The following CD48 variants were observed in gnomAD, a reference collection of about 807,000 sequenced individuals.
CD48 encodes CD48 antigen.
Under a neutral mutation model 22.0 loss-of-function variants are expected in CD48, and 20 were observed. The ratio of observed to expected loss-of-function variants is 0.91; its 90% CI spans 0.64 to 1.32. CD48 has a LOEUF of 1.32. Ranked by LOEUF, CD48 falls within the 40% of genes most tolerant of loss-of-function variation. The pLI is 0.00. For synonymous variants in CD48, 110 were observed against 110.1 expected, an observed-to-expected ratio of 1.00 and a Z score of 0.01; for missense variants, 307 against 286.5, an observed-to-expected ratio of 1.07 and a Z score of -0.52.
At chr1:160,706,219 C>A (rs776810648) in intron 1 of CD48, among the ~76,000 whole-genome samples, 2 of 152,110 alleles carry the variant, frequency 1.3e-5, no homozygotes, top group Non-Finnish European at 2.9e-5. Flanking sequence ...GGATTACAGG[C>A]ATGCACCACC....
At chr1:160,697,489 A>T (rs1662471575) in intron 1 of CD48, among the ~76,000 whole-genome samples, 1 of 152,304 alleles carries the variant, frequency 6.6e-6, no homozygotes, top group African/African-American at 2.4e-5. Context: ...CTATTTGCCT[A>T]GGGAGAGCAC....
intron 1 of CD48, among the ~76,000 whole-genome samples, chr1:160,694,562 T>C (rs573991542): frequency 1.2e-4 from 19 of 152,060 alleles, no homozygotes; most frequent in Non-Finnish European, 2.8e-4. Flanking sequence ...TCTTAATCTG[T>C]GGGGTCGAGA....
At position 160,681,210 on chromosome 1, in the gene CD48, C is replaced by G; in HGVS notation, c.644G>C (p.Cys215Ser). Residue 215 changes from cysteine (C) to serine (S), a missense_variant, in exon 3 of 4, where the codon TGT (cysteine) becomes TCT (serine). Cys to Ser is a moderately radical substitution (Grantham distance 112). Coordinates refer to ENST00000368046, the MANE Select transcript of CD48 (RefSeq NM_001778.4). ...CCAGGGATCCTTCTTACCCAGGGTA[C>G]AGGGTGGACTGAGGCAGACCGTGCC... The part of the protein sequence containing the change: ...KNGTVCLSPP[C>S]TLARSFGVEW... 6.2e-7 allele frequency: 1 copy of G among 1,614,164 alleles called. No homozygotes were observed. Among genetic ancestry groups the G allele is most frequent in the South Asian group, 1.1e-5 (1 of 91,080 alleles).
chr1:160,697,003 G>C (rs1474415161), intron 1 of CD48, among the ~76,000 whole-genome samples: 1 of 151,490 alleles, frequency 6.6e-6, no homozygotes, highest in African/African-American at 2.4e-5. Flanking sequence ...AAAAAGAAGG[G>C]GGAGACAGTA....
intron 2 of CD48, 109 bp from the exon 3 acceptor site, chr1:160,681,577 A>C (rs1661805861): frequency 7.4e-7 from 1 of 1,357,742 alleles, no homozygotes; most frequent in Non-Finnish European, 1.0e-6. Flanking sequence ...ATGCCCCAGG[A>C]GGCAGAGTCA....
At position 160,681,184 on chromosome 1, in the gene CD48, C is replaced by G. The variant is rs267598123; in HGVS notation, c.652+18G>C. On this transcript the variant is annotated intron_variant, in intron 3 of 3. Transcript: ENST00000368046. Reference sequence around the variant, plus strand: ...CAGTTACCCTGTGCCCCCCTCAGCTCCCAGGGATCCTTCTTACCCAGGGTA... The same window carrying G: ...CAGTTACCCTGTGCCCCCCTCAGCTGCCAGGGATCCTTCTTACCCAGGGTA... 1 of 1,614,144 alleles carries G rather than the reference C, an allele frequency of 6.2e-7. No homozygotes were observed. The highest frequency in any genetic ancestry group is 1.3e-5 in the African/African-American group (1 of 75,042).
intron 1 of CD48, among the ~76,000 whole-genome samples, chr1:160,707,708 TG>T (rs1662833268): frequency 6.6e-6 from 1 of 152,138 alleles, no homozygotes; most frequent in South Asian, 2.1e-4. Context: ...ATAGCCACTG[TG>T]GGAAATGGGA....
chr1:160,680,747 C>T lies in CD48; in HGVS notation c.652+455G>A. On this transcript the variant is annotated intron_variant, in intron 3 of 3. Coordinates refer to ENST00000368046, the MANE Select transcript of CD48 (RefSeq NM_001778.4). ...CTCTCTCAGGCCCGTCTCCTCAGTC[C>T]CTCTTTCCCTGGCTGACTTTGGCGG... The T allele has an allele frequency of 9.5e-6, 10 of 1,050,084 alleles. No individual in the cohort carries two copies. The South Asian group carries it at 1.5e-4, about 15-fold the overall frequency. The allele number at this position is 1,050,084 out of a possible 1,614,324, so 65.0% of individuals were successfully genotyped here. A position where few individuals can be genotyped will look rare whatever the true frequency, so the allele number is the denominator to read the frequency against.
At chr1:160,706,312 G>C (rs1157513130) in intron 1 of CD48, among the ~76,000 whole-genome samples, 1 of 152,128 alleles carries the variant, frequency 6.6e-6, no homozygotes, top group East Asian at 1.9e-4. Context: ...GACCTCAGGT[G>C]ATCCACCTGC....
intron 2 of CD48, chr1:160,684,575 G>C: frequency 1.5e-6 from 1 of 674,454 alleles, no homozygotes; most frequent in Non-Finnish European, 2.4e-6. Flanking sequence ...TAATCAAGAT[G>C]AGCTGAGCTG....
rs556132958 is a variant in CD48, at chr1:160,697,065, A to C, written c.83-11876T>G. 3.8e-3 allele frequency among the ~76,000 whole-genome samples: 583 copies of C among 152,244 alleles called. 2 individuals are homozygous for C. Among genetic ancestry groups the C allele is most frequent in the Middle Eastern group, 0.034 (10 of 294 alleles). ...CTTAATCTAGCACTCTATACTTTAA[A>C]TTTTTTAAACATTTATAGAAATCAG... On this transcript the variant is annotated intron_variant, in intron 1 of 3. Coordinates refer to ENST00000368046, the MANE Select transcript of CD48 (RefSeq NM_001778.4).
intron 1 of CD48, among the ~76,000 whole-genome samples, chr1:160,700,190 G>T (rs188958147): frequency 2.2e-4 from 34 of 152,272 alleles, no homozygotes; most frequent in African/African-American, 7.9e-4. Flanking sequence ...TCAGGAATGG[G>T]TTGATTTTTG....
chr1:160,686,473 G>C (rs557678564), intron 1 of CD48: 3 of 152,124 alleles, frequency 2.0e-5, no homozygotes, highest in African/African-American at 7.2e-5. Context: ...TAAGCCAAAG[G>C]GTGATTAAAA....
chr1:160,688,345 A>T (rs1470546440), intron 1 of CD48, among the ~76,000 whole-genome samples: 1 of 152,184 alleles, frequency 6.6e-6, no homozygotes, highest in African/African-American at 2.4e-5. Context: ...TGGGGGGAGG[A>T]TTCGCAAGGT....
chr1:160,694,477 G>A (rs9725387), intron 1 of CD48, among the ~76,000 whole-genome samples: 57,272 of 149,552 alleles, frequency 0.38, 11,694 homozygotes, highest in Non-Finnish European at 0.46. Flanking sequence ...AAGTGTATCA[G>A]AGTACTGAGA....
intron 1 of CD48, among the ~76,000 whole-genome samples, chr1:160,696,163 A>G (rs1375292493): frequency 1.3e-5 from 2 of 152,306 alleles, no homozygotes; most frequent in African/African-American, 4.8e-5. Context: ...CACAGGGCCA[A>G]AAGAACGAGT....
At position 160,684,922 on chromosome 1, in the gene CD48, T is replaced by C. The variant is rs1661936859; in HGVS notation, c.350A>G (p.Asn117Ser). 6.2e-7 allele frequency: 1 copy of C among 1,614,126 alleles called. No homozygotes were observed. The highest frequency in any genetic ancestry group is 1.3e-5 in the African/African-American group (1 of 75,030). The change falls in exon 2 of 4, where the codon AAT (asparagine) becomes AGT (serine). Residue 117 changes from asparagine (N) to serine (S), a missense_variant. Coordinates refer to ENST00000368046, the MANE Select transcript of CD48 (RefSeq NM_001778.4). Reference protein sequence around the residue: ...YIMRVLKKTGNEQEWKIKLQV... With the variant: ...YIMRVLKKTGSEQEWKIKLQV... Reference sequence around the variant, plus strand: ...CAGCTTGATCTTCCATTCTTGCTCATTCCCAGTCTTTTTCAACACCCTCAT... The same window carrying C: ...CAGCTTGATCTTCCATTCTTGCTCACTCCCAGTCTTTTTCAACACCCTCAT...
At chr1:160,687,197 T>C (rs2102409516) in intron 1 of CD48, among the ~76,000 whole-genome samples, 1 of 152,340 alleles carries the variant, frequency 6.6e-6, no homozygotes, top group East Asian at 1.9e-4. Flanking sequence ...TATGGCTCTG[T>C]TCTGCCTGGC....
intron 3 of CD48, chr1:160,680,560 A>G (rs1054801031): frequency 4.0e-6 from 4 of 990,946 alleles, no homozygotes; most frequent in Admixed American, 5.6e-5. Context: ...TAGCTGTCCC[A>G]TGCTAGCACC....
Sources: gnomAD v4.1 joint callset for allele counts (sites outside exome capture counted in the v4.1 genomes callset) on GRCh38, gnomAD v4.1.1 for gene constraint, MANE v1.5 for transcripts, NCBI Gene and HGNC (gene_info 2026-07-23, HGNC 2026-07-21) for gene names.